The following GOLGA8A variants were observed in gnomAD, a reference collection of about 807,000 sequenced individuals.
GOLGA8A encodes the protein golgin A8 family member A, also known as golgin subfamily A member 8A.
In GOLGA8A, 3 loss-of-function variants were observed where a neutral mutation model predicts 22.1. That is an observed-to-expected ratio of 0.14 (90% CI 0.06 to 0.35). The LOEUF is 0.35. GOLGA8A is among the 10% of genes least tolerant of loss of function. GOLGA8A has a pLI of 1.00. For synonymous variants in GOLGA8A, 7 were observed against 91.7 expected, an observed-to-expected ratio of 0.08 and a Z score of 5.28; for missense variants, 16 against 233.2, an observed-to-expected ratio of 0.07 and a Z score of 6.07.
rs868518431 is a variant in GOLGA8A at position 34,437,764 on chromosome 15, C to G, written c.-1578G>C. On this transcript the variant is annotated 5_prime_UTR_variant, in exon 1 of 25. Coordinates refer to ENST00000359187, the MANE Select transcript of GOLGA8A (RefSeq NM_181077.5). ...GGCTGAGCTCCCGCAGAGCTCGCGC[C>G]TAGCCGCACACCTCGACTGCTGATT... 9.4e-5 allele frequency among the ~76,000 whole-genome samples: 14 copies of G among 148,220 alleles called. 1 individual carries two copies. The South Asian group carries it at 2.6e-3, about 27-fold the overall frequency.
chr15:34,427,986 T>C (rs1223860481), intron 2 of GOLGA8A, among the ~76,000 whole-genome samples: 3 of 148,926 alleles, frequency 2.0e-5, no homozygotes, highest in Non-Finnish European at 3.0e-5. Context: ...CAGCATAATA[T>C]TAGATGTCTG....
chr15:34,424,953 A>C (rs931064992), intron 2 of GOLGA8A, among the ~76,000 whole-genome samples: 1 of 143,298 alleles, frequency 7.0e-6, no homozygotes, highest in African/African-American at 2.7e-5. Flanking sequence ...CACAAAAATT[A>C]GCCAGGCGTG....
At chr15:34,436,829 T>C (rs921012362) in intron 1 of GOLGA8A, among the ~76,000 whole-genome samples, 1 of 149,886 alleles carries the variant, frequency 6.7e-6, no homozygotes, top group African/African-American at 2.5e-5. Context: ...ACCCGGCGCC[T>C]GCAGCCCAGG....
At chr15:34,433,341 G>T (rs180833974) in intron 2 of GOLGA8A, among the ~76,000 whole-genome samples, 1 of 149,152 alleles carries the variant, frequency 6.7e-6, no homozygotes, top group Non-Finnish European at 1.5e-5. Context: ...ATCCACATCC[G>T]AGGTGACTGC....
At chr15:34,431,522 A>T (rs1893253949) in intron 2 of GOLGA8A, among the ~76,000 whole-genome samples, 1 of 147,486 alleles carries the variant, frequency 6.8e-6, no homozygotes, top group African/African-American at 2.5e-5. Flanking sequence ...ACTACAACAC[A>T]CTAGGTTATA....
intron 2 of GOLGA8A, among the ~76,000 whole-genome samples, chr15:34,424,209 C>A (rs1395820657): frequency 1.4e-5 from 2 of 140,302 alleles, no homozygotes; most frequent in Non-Finnish European, 3.1e-5. Flanking sequence ...CACCGGCCTG[C>A]TTCCACTCTG....
chr15:34,435,637 C>G (rs1893469305), intron 1 of GOLGA8A, among the ~76,000 whole-genome samples, 166 bp from the exon 2 acceptor site: 1 of 149,088 alleles, frequency 6.7e-6, no homozygotes, highest in Admixed American at 6.8e-5. Context: ...AGCACCCACT[C>G]CTGCTCACAC....
intron 2 of GOLGA8A, among the ~76,000 whole-genome samples, chr15:34,430,634 G>A (rs1893185614): frequency 6.7e-6 from 1 of 149,452 alleles, no homozygotes; most frequent in Admixed American, 6.8e-5. Flanking sequence ...AGTGCCAGGT[G>A]TCTGAAACCC....
intron 5 of GOLGA8A, 115 bp from the exon 6 acceptor site, chr15:34,400,874 T>C (rs1208666539): frequency 8.2e-6 from 1 of 122,518 alleles, no homozygotes; most frequent in East Asian, 2.2e-4. Flanking sequence ...TACGAAGCTT[T>C]TAGAAAACTA....
rs1177346691 is a variant in GOLGA8A at position 34,421,666 on chromosome 15, T to A, written c.-1123+13717A>T. On this transcript the variant is annotated intron_variant, in intron 2 of 24. Transcript: ENST00000359187. Reference sequence around the variant, plus strand: ...CACGACAAAGCTAACCCCACTGAGATGAAAAGCCACTTACCCCTTTTTCAT... The same window carrying A: ...CACGACAAAGCTAACCCCACTGAGAAGAAAAGCCACTTACCCCTTTTTCAT... Among the ~76,000 whole-genome samples the A allele has an allele frequency of 2.1e-5, 3 of 143,562 alleles. No homozygotes were observed. The East Asian group carries it at 6.4e-4, about 31-fold the overall frequency. 94.2% of individuals were successfully genotyped at this position (143,562 alleles called of 152,430 possible). A position where few individuals can be genotyped will look rare whatever the true frequency, so the allele number is the denominator to read the frequency against.
rs1460077364 is a variant in GOLGA8A at position 34,426,486 on chromosome 15, T to C, written c.-1123+8897A>G. On this transcript the variant is annotated intron_variant, in intron 2 of 24. Transcript: ENST00000359187. ...GCACTGAATGGGGCAGTGGTGAAGT[T>C]AGGGGGAAGCTTTCATTTTCTATTC... is the stretch of plus-strand genomic sequence containing the variant. 1.4e-5 allele frequency among the ~76,000 whole-genome samples: 2 copies of C among 147,368 alleles called. 1 individual carries two copies. The highest frequency in any genetic ancestry group is 3.0e-5 in the Non-Finnish European group (2 of 66,488).
chr15:34,418,896 C>G (rs1892682218), intron 2 of GOLGA8A: 1 of 142,950 alleles, frequency 7.0e-6, no homozygotes. Context: ...CCTCTTAGAT[C>G]CATTTCTCTT....
At chr15:34,434,297 C>G (rs1182572117) in intron 2 of GOLGA8A, among the ~76,000 whole-genome samples, 2 of 149,552 alleles carry the variant, frequency 1.3e-5, no homozygotes, top group Non-Finnish European at 3.0e-5. Flanking sequence ...CTGGCCTGGG[C>G]CAACTTGCAG....
rs2140281616 is a variant in GOLGA8A at position 34,427,114 on chromosome 15, C to CGAGATCAG, written c.-1123+8261_-1123+8268dup. 1.4e-5 allele frequency among the ~76,000 whole-genome samples: 2 copies of CGAGATCAG among 147,008 alleles called. 1 individual carries two copies. The highest frequency in any genetic ancestry group is 4.1e-4 in the East Asian group (2 of 4,934). On this transcript the variant is annotated intron_variant, in intron 2 of 24. Coordinates refer to ENST00000359187, the MANE Select transcript of GOLGA8A (RefSeq NM_181077.5). ...TTGGGAGGCTGAAGCAGGCAGATCA[C>CGAGATCAG]GAGATCAGGAGATCAAGACCATCCT...
chr15:34,425,489 A>G (rs1319929217), intron 2 of GOLGA8A, among the ~76,000 whole-genome samples: 3 of 145,998 alleles, frequency 2.1e-5, no homozygotes, highest in Non-Finnish European at 4.5e-5. Flanking sequence ...ATCAAGTATT[A>G]GCAGAATATG....
Position 34,379,167 on chromosome 15 carries a change from T to C in GOLGA8A, c.*2244A>G, listed in dbSNP as rs2140185448. The C allele has an allele frequency of 6.5e-6, 1 of 152,760 alleles. No individual in the cohort carries two copies. Among genetic ancestry groups the C allele is most frequent in the East Asian group, 1.9e-4 (1 of 5,190 alleles). The allele number at this position is 152,760 out of a possible 1,614,324, so 9.5% of individuals were successfully genotyped here. On this transcript the variant is annotated 3_prime_UTR_variant, in exon 25 of 25. Transcript: ENST00000359187. ...GTCTTTCAGTATTTCCGTTACACAT[T>C]CTGTTAACAAGAACTCATACATTGG... is the stretch of plus-strand genomic sequence containing the variant.
chr15:34,421,129 G>A (rs1388880257), intron 2 of GOLGA8A, among the ~76,000 whole-genome samples: 1 of 141,542 alleles, frequency 7.1e-6, no homozygotes, highest in Non-Finnish European at 1.5e-5. Context: ...ACACTGGGGC[G>A]CCCCCTTTGC....
rs758849846 is a variant in GOLGA8A at position 34,434,644 on chromosome 15, T to C, written c.-1123+739A>G. Among the ~76,000 whole-genome samples, 29 of 148,800 alleles carry C rather than the reference T, an allele frequency of 1.9e-4. 1 individual carries two copies. The highest frequency in any genetic ancestry group is 3.9e-4 in the Non-Finnish European group (26 of 66,982). ...GGGAAAGGAAGGAGCCAGAGAAGTCTCCCTGTGGGCGCTCGGGCCAACCAC... is the reference window on the plus strand; with the variant it reads ...GGGAAAGGAAGGAGCCAGAGAAGTCCCCCTGTGGGCGCTCGGGCCAACCAC... On this transcript the variant is annotated intron_variant, in intron 2 of 24. Transcript: ENST00000359187.
intron 2 of GOLGA8A, among the ~76,000 whole-genome samples, chr15:34,425,096 A>G (rs187725015): frequency 2.8e-5 from 4 of 142,104 alleles, no homozygotes; most frequent in Non-Finnish European, 6.2e-5. Flanking sequence ...AAAAATAAAT[A>G]AAATAAATAA....
Sources: allele counts gnomAD v4.1 joint callset (sites outside exome capture counted in the v4.1 genomes callset), GRCh38; gene constraint gnomAD v4.1.1; transcripts MANE v1.5; gene names NCBI Gene and HGNC (gene_info 2026-07-23, HGNC 2026-07-21).